Variants in XKRX observed in about 807,000 individuals in gnomAD.
XKRX encodes XK-related protein 2.
In XKRX, 11 loss-of-function variants were observed where a neutral mutation model predicts 22.4. That is an observed-to-expected ratio of 0.49 (90% CI 0.31 to 0.81). The LOEUF (loss-of-function observed/expected upper bound fraction) is 0.81, where lower values mean the gene tolerates loss of function less well. XKRX is among the 40% of genes least tolerant of loss of function. XKRX has a pLI of 0.05. For missense variants in XKRX, 320 were observed against 336.5 expected, an observed-to-expected ratio of 0.95 and a Z score of 0.38; for synonymous variants, 114 against 132.2, an observed-to-expected ratio of 0.86 and a Z score of 0.94.
chrX:100,929,420 G>A, upstream of XKRX: 1 of 111,432 alleles, frequency 9.0e-6, no homozygotes, highest in South Asian at 3.8e-4. Context: ...GACCCAGGCA[G>A]GAGCCACAGC....
the XKRX span, among the ~76,000 whole-genome samples, chrX:100,886,926 C>A: frequency 8.9e-6 from 1 of 112,048 alleles, no homozygotes; most frequent in African/African-American, 3.2e-5. Flanking sequence ...TCATTTCATT[C>A]AAGAGAATTA....
At chrX:100,905,747 C>T in the XKRX span, among the ~76,000 whole-genome samples, 1 of 111,881 alleles carries the variant, frequency 8.9e-6, no homozygotes, top group East Asian at 2.8e-4. Context: ...TTATTTAACT[C>T]ATTGAGGAGG....
chrX:100,928,856 T>C lies in XKRX; in HGVS notation c.-552A>G, dbSNP rs1249851507. On this transcript the variant is annotated 5_prime_UTR_variant, in exon 1 of 3. Transcript: ENST00000372956. ...GATTCAGTTCAGTGCCTAGGTATCC[T>C]AGCTATTGCTAGGCTGTAGCTATCA... The C allele has an allele frequency of 1.3e-6, 1 of 752,439 alleles. No individual in the cohort carries two copies. The highest frequency in any genetic ancestry group is 1.6e-6 in the Non-Finnish European group (1 of 638,995). The allele number at this position is 752,439 out of a possible 1,213,427, so 62.0% of individuals were successfully genotyped here.
chrX:100,912,755 C>T (rs2085411136), downstream of XKRX, among the ~76,000 whole-genome samples: 1 of 111,853 alleles, frequency 8.9e-6, no homozygotes, highest in Non-Finnish European at 1.9e-5. Flanking sequence ...CCCTTGGTTA[C>T]CTCAGAGGTA....
At chrX:100,896,108 C>T in the XKRX span, among the ~76,000 whole-genome samples, 1 of 111,611 alleles carries the variant, frequency 9.0e-6, no homozygotes, top group East Asian at 2.8e-4. Context: ...CCAATTTGGT[C>T]CACACTGGCT....
chrX:100,902,812 G>A, the XKRX span, among the ~76,000 whole-genome samples: 8 of 108,933 alleles, frequency 7.3e-5, no homozygotes, highest in Admixed American at 9.9e-5. Context: ...GTGCAGTGGC[G>A]TGATCTCGTC....
At chrX:100,953,543 C>T in the XKRX span, among the ~76,000 whole-genome samples, 1 of 111,662 alleles carries the variant, frequency 9.0e-6, no homozygotes, top group African/African-American at 3.3e-5. Context: ...AGTGAAAATA[C>T]AACCCACATA....
At chrX:100,952,222 AT>A in the XKRX span, among the ~76,000 whole-genome samples, 4 of 111,325 alleles carry the variant, frequency 3.6e-5, no homozygotes, top group Admixed American at 2.9e-4. Context: ...ATATCAAACA[AT>A]GTAGAAAAAG....
chrX:100,901,271 A>G, the XKRX span, among the ~76,000 whole-genome samples: 1 of 112,193 alleles, frequency 8.9e-6, no homozygotes, highest in Non-Finnish European at 1.9e-5. Flanking sequence ...GTCTATAAGA[A>G]ATTCACTTTA....
the XKRX span, among the ~76,000 whole-genome samples, chrX:100,934,750 G>C: frequency 1.8e-5 from 2 of 112,152 alleles, no homozygotes; most frequent in East Asian, 5.6e-4. Context: ...TAAAATGCTA[G>C]ATCATATGGT....
chrX:100,951,658 A>G, the XKRX span, among the ~76,000 whole-genome samples: 1 of 111,490 alleles, frequency 9.0e-6, no homozygotes, highest in African/African-American at 3.3e-5. Context: ...GGGAAAAAAA[A>G]TCAATAAAAT....
intron 2 of XKRX, among the ~76,000 whole-genome samples, chrX:100,920,154 A>T (rs56320553): frequency 0.04 from 3,949 of 98,677 alleles, 168 homozygotes; most frequent in African/African-American, 0.13. Flanking sequence ...AAAAATAACT[A>T]GGGGAGGTTG....
downstream of XKRX, among the ~76,000 whole-genome samples, chrX:100,908,553 T>C (rs1039091613): frequency 1.2e-4 from 14 of 112,028 alleles, no homozygotes; most frequent in African/African-American, 4.2e-4. Flanking sequence ...CTCTAAGGTC[T>C]AAAGTGTGTG....
the XKRX span, among the ~76,000 whole-genome samples, chrX:100,939,465 C>T: frequency 8.9e-6 from 1 of 111,783 alleles, no homozygotes; most frequent in East Asian, 2.8e-4. Context: ...CTTCCCTCCC[C>T]GCCCTTGACT....
the XKRX span, among the ~76,000 whole-genome samples, chrX:100,940,728 C>T: frequency 1.7e-3 from 186 of 111,502 alleles, 1 homozygote; most frequent in African/African-American, 5.9e-3. Context: ...TGTAGTAGGT[C>T]AAGGTGGGGC....
chrX:100,944,820 A>C, the XKRX span, among the ~76,000 whole-genome samples: 3 of 111,720 alleles, frequency 2.7e-5, no homozygotes, highest in African/African-American at 9.8e-5. Flanking sequence ...TTCCACAACA[A>C]CAGCAGTTCA....
At chrX:100,908,371 C>A in the XKRX span, among the ~76,000 whole-genome samples, 2 of 111,354 alleles carry the variant, frequency 1.8e-5, no homozygotes, top group South Asian at 7.7e-4. Flanking sequence ...CCTGCACTGG[C>A]CTCCCAAAGT....
chrX:100,957,337 C>A, the XKRX span: 14 of 1,139,490 alleles, frequency 1.2e-5, no homozygotes, highest in African/African-American at 1.6e-4. Flanking sequence ...GTGATTTGGA[C>A]TCCGGTTACT....
At chrX:100,902,474 A>G in the XKRX span, among the ~76,000 whole-genome samples, 1 of 112,156 alleles carries the variant, frequency 8.9e-6, no homozygotes, top group Non-Finnish European at 1.9e-5. Context: ...TCTCATGAAC[A>G]TAGGTGCAAA....
Sources: allele counts gnomAD v4.1 joint callset (sites outside exome capture counted in the v4.1 genomes callset), GRCh38; gene constraint gnomAD v4.1.1; transcripts MANE v1.5; gene names NCBI Gene and HGNC (gene_info 2026-07-23, HGNC 2026-07-21).